The following KIAA1217 variants were observed in gnomAD, a reference collection of about 807,000 sequenced individuals.
KIAA1217 encodes sickle tail protein homolog.
Under a neutral mutation model 163.9 loss-of-function variants are expected in KIAA1217, and 88 were observed. The ratio of observed to expected loss-of-function variants is 0.54; its 90% CI spans 0.45 to 0.64. The LOEUF is 0.64. Among genes scored for constraint, KIAA1217 ranks in the 30% least tolerant of loss-of-function variants. The pLI is 0.00. For synonymous variants in KIAA1217, 903 were observed against 923.1 expected (o/e 0.98, Z 0.39); for missense variants, 2,372 against 2,475.0 (o/e 0.96, Z 0.88).
chr10:24,142,515 C>G (rs1294448905), intron 2 of KIAA1217, among the ~76,000 whole-genome samples: 1 of 152,084 alleles, frequency 6.6e-6, no homozygotes, highest in Non-Finnish European at 1.5e-5. Flanking sequence ...CCACACTATT[C>G]GAGTGATGAG....
chr10:24,266,825 C>T (rs1042543292), intron 2 of KIAA1217, among the ~76,000 whole-genome samples: 1 of 152,170 alleles, frequency 6.6e-6, no homozygotes, highest in Non-Finnish European at 1.5e-5. Context: ...AGTGGCAACC[C>T]GCTCGGTCCC....
intron 2 of KIAA1217, among the ~76,000 whole-genome samples, chr10:24,113,738 G>A (rs930953755): frequency 3.9e-5 from 6 of 152,176 alleles, no homozygotes; most frequent in Admixed American, 1.3e-4. Flanking sequence ...ACCACCTGAT[G>A]CATTATCCAG....
At chr10:24,425,672 C>T (rs2131629218) in intron 3 of KIAA1217, among the ~76,000 whole-genome samples, 1 of 152,290 alleles carries the variant, frequency 6.6e-6, no homozygotes, top group East Asian at 1.9e-4. Context: ...TTCTCCCTCA[C>T]CTTATATTAT....
intron 1 of KIAA1217, among the ~76,000 whole-genome samples, chr10:23,855,093 C>A (rs1839579489): frequency 6.6e-6 from 1 of 152,150 alleles, no homozygotes; most frequent in South Asian, 2.1e-4. Context: ...TTAGTTGATG[C>A]AGTTTCTTCC....
At chr10:24,242,217 C>A (rs188910477) in intron 2 of KIAA1217, among the ~76,000 whole-genome samples, 1 of 152,194 alleles carries the variant, frequency 6.6e-6, no homozygotes, top group Non-Finnish European at 1.5e-5. Context: ...GCATAGTACC[C>A]AATAGGTAGT....
chr10:24,429,460 A>C (rs146799756), intron 3 of KIAA1217, among the ~76,000 whole-genome samples: 1 of 152,210 alleles, frequency 6.6e-6, no homozygotes, highest in East Asian at 1.9e-4. Context: ...GTACTCTGAC[A>C]TGATTCTATG....
In KIAA1217 at chr10:23,939,332, CG is replaced by C. The variant is rs148611334; in HGVS notation, c.-320-67889del. On this transcript the variant is annotated intron_variant, in intron 1 of 18. Coordinates refer to the KIAA1217 transcript ENST00000376462. ...AGTGTTAGAATCAACAATCCCTATA[CG>C]GGGAGGCATGCATGTGTGTGGTGCA... Among the ~76,000 whole-genome samples, 596 of 152,120 alleles carry C rather than the reference CG, an allele frequency of 3.9e-3. 3 individuals are homozygous for C. Among genetic ancestry groups the C allele is most frequent in the African/African-American group, 0.014 (574 of 41,492 alleles).
At chr10:24,479,837 G>T (rs959333510) in intron 6 of KIAA1217, among the ~76,000 whole-genome samples, 2 of 152,110 alleles carry the variant, frequency 1.3e-5, no homozygotes, top group Non-Finnish European at 2.9e-5. Context: ...CACTCTCATG[G>T]GAACAAATTC....
At chr10:23,871,325 T>C (rs1840446595) in intron 1 of KIAA1217, among the ~76,000 whole-genome samples, 1 of 152,100 alleles carries the variant, frequency 6.6e-6, no homozygotes, top group South Asian at 2.1e-4. Context: ...TCCTCTACCC[T>C]ATTTTTAGGT....
chr10:23,970,599 T>C (rs993370037), intron 1 of KIAA1217, among the ~76,000 whole-genome samples: 2 of 152,252 alleles, frequency 1.3e-5, no homozygotes, highest in Non-Finnish European at 2.9e-5. Context: ...AATAATAATG[T>C]ATTGTCTACT....
intron 2 of KIAA1217, among the ~76,000 whole-genome samples, chr10:24,285,963 G>T (rs898802046): frequency 1.3e-5 from 2 of 152,100 alleles, no homozygotes; most frequent in South Asian, 4.1e-4. Flanking sequence ...TATCGTGTGT[G>T]TGTGTGGCTA....
At chr10:23,927,009 G>A (rs1014691569) in intron 1 of KIAA1217, among the ~76,000 whole-genome samples, 2 of 151,988 alleles carry the variant, frequency 1.3e-5, no homozygotes, top group Admixed American at 6.6e-5. Context: ...CCAGGTTCAA[G>A]CAATCCTCCC....
At chr10:23,837,982 ACT>A (rs1395277323) in intron 1 of KIAA1217, among the ~76,000 whole-genome samples, 2 of 151,716 alleles carry the variant, frequency 1.3e-5, no homozygotes, top group Admixed American at 1.3e-4. Context: ...CTTCAACAAA[ACT>A]CTGCCAGCAG....
At chr10:24,290,844 C>T (rs973464756) in intron 2 of KIAA1217, among the ~76,000 whole-genome samples, 2 of 152,084 alleles carry the variant, frequency 1.3e-5, no homozygotes, top group African/African-American at 4.8e-5. Flanking sequence ...TCAGGTGCTC[C>T]ACCTGCCTCG....
intron 2 of KIAA1217, among the ~76,000 whole-genome samples, chr10:24,123,897 C>T (rs1441148025): frequency 6.6e-6 from 1 of 152,138 alleles, no homozygotes; most frequent in East Asian, 1.9e-4. Flanking sequence ...TCTAACGTTA[C>T]TGAGCCTTGC....
intron 1 of KIAA1217, among the ~76,000 whole-genome samples, chr10:23,790,590 TATATAC>T (rs1297317976): frequency 1.6e-5 from 2 of 126,802 alleles, no homozygotes; most frequent in South Asian, 2.2e-4. Context: ...TATATGTACA[TATATAC>T]ATGTACATAT....
At chr10:23,855,901 T>A (rs968280289) in intron 1 of KIAA1217, among the ~76,000 whole-genome samples, 1 of 152,200 alleles carries the variant, frequency 6.6e-6, no homozygotes. Context: ...TTATTCTAGT[T>A]ATACATTTGT....
At chr10:23,728,724 A>T (rs1028162521) in intron 1 of KIAA1217, among the ~76,000 whole-genome samples, 2 of 152,248 alleles carry the variant, frequency 1.3e-5, no homozygotes, top group African/African-American at 4.8e-5. Context: ...TCATGACTAA[A>T]ACGCCAAAAG....
intron 1 of KIAA1217, among the ~76,000 whole-genome samples, chr10:23,717,456 G>A (rs1304245319): frequency 6.6e-6 from 1 of 152,042 alleles, no homozygotes; most frequent in South Asian, 2.1e-4. Context: ...GAACTCACAA[G>A]GCGAGTTTTG....
Sources: allele counts gnomAD v4.1 joint callset (sites outside exome capture counted in the v4.1 genomes callset), GRCh38; gene constraint gnomAD v4.1.1; transcripts MANE v1.5; gene names NCBI Gene and HGNC (gene_info 2026-07-23, HGNC 2026-07-21).